Variants in ZFP64 observed in about 807,000 individuals in gnomAD.
ZFP64 encodes ZFP64 zinc finger protein, also known as zinc finger protein 64.
Under a neutral mutation model 51.6 loss-of-function variants are expected in ZFP64, and 14 were observed. That is an observed-to-expected ratio of 0.27 (90% CI 0.18 to 0.42). The LOEUF (loss-of-function observed/expected upper bound fraction) is 0.42. Among genes scored for constraint, ZFP64 ranks in the 10% least tolerant of loss-of-function variants. The pLI, the probability that ZFP64 is intolerant of heterozygous loss-of-function variation, is 1.00. For synonymous variants in ZFP64, 375 were observed against 361.4 expected, an observed-to-expected ratio of 1.04 and a Z score of -0.43; for missense variants, 754 against 906.8, an observed-to-expected ratio of 0.83 and a Z score of 2.16.
intron 7 of ZFP64, among the ~76,000 whole-genome samples, chr20:52,094,738 AAAATAAATAAAT>A (rs138950441): frequency 1.8e-3 from 270 of 151,140 alleles, no homozygotes; most frequent in African/African-American, 6.0e-3. Context: ...ACCCTGTCTC[AAAATAAATAAAT>A]AAATAAATAA....
chr20:52,130,215 T>C (rs1471977406), intron 5 of ZFP64, among the ~76,000 whole-genome samples: 2 of 134,942 alleles, frequency 1.5e-5, no homozygotes, highest in African/African-American at 8.0e-5. Context: ...AATTGTGTTT[T>C]GTTTGTTTGT....
chr20:52,142,839 C>CAAAAA (rs386393987), intron 5 of ZFP64, among the ~76,000 whole-genome samples: 10,936 of 54,558 alleles, frequency 0.2, 1,385 homozygotes, highest in Non-Finnish European at 0.25. Flanking sequence ...GACTCCATCT[C>CAAAAA]AAAAAAAAAA....
At chr20:52,098,441 G>C (rs373377598) in exon 6 of ZFP64, 1 of 1,613,950 alleles carries the variant, frequency 6.2e-7, no homozygotes, top group Non-Finnish European at 8.5e-7. Flanking sequence ...CTCTTACCTG[G>C]GTAGCAACAG....
intron 2 of ZFP64, among the ~76,000 whole-genome samples, chr20:52,182,378 T>C (rs1983672923): frequency 6.6e-6 from 1 of 152,132 alleles, no homozygotes; most frequent in Non-Finnish European, 1.5e-5. Context: ...GATCCAATGG[T>C]CGCAGGGCCG....
chr20:52,109,780 C>CAAAAAAAAAAAAAAAAAAAAAAAAAAAA, intron 5 of ZFP64, among the ~76,000 whole-genome samples: 1 of 46,124 alleles, frequency 2.2e-5, no homozygotes, highest in Non-Finnish European at 4.5e-5. Flanking sequence ...AATTCCACCT[C>CAAAAAAAAAAAAAAAAAAAAAAAAAAAA]AAAAAAAAAA....
At chr20:52,159,273 A>T (rs1260806592) in intron 5 of ZFP64, among the ~76,000 whole-genome samples, 1 of 152,228 alleles carries the variant, frequency 6.6e-6, no homozygotes, top group Non-Finnish European at 1.5e-5. Flanking sequence ...TAATTTATTG[A>T]GTTACCTACT....
chr20:52,088,729 G>A, intron 7 of ZFP64: 1 of 1,559,422 alleles, frequency 6.4e-7, no homozygotes. Flanking sequence ...CTGGGCATAT[G>A]GGTGTGCCGC....
Position 52,165,940 on chromosome 20 carries a change from G to A in ZFP64, c.372C>T (p.Ile124=), listed in dbSNP as rs1188005504. Residue 124 remains isoleucine (I), a synonymous_variant, in exon 3 of 6, where the codon ATC becomes ATT. Coordinates refer to ENST00000216923, the MANE Select transcript of ZFP64 (RefSeq NM_018197.3). The stretch of plus-strand genomic sequence containing the variant: ...TGGTGCGTGACTTGGCAGGGAGAGA[G>A]ATGACAGTGGCTGTCTGGTTTTCAT... ...ESNENQTATV[I]SLPAKSRTKK... 1.2e-6 allele frequency: 2 copies of A among 1,614,200 alleles called. No individual in the cohort carries two copies. Among genetic ancestry groups the A allele is most frequent in the African/African-American group, 1.3e-5 (1 of 75,054 alleles).
Position 52,152,643 on chromosome 20 carries a change from C to A in ZFP64, c.1549G>T (p.Ala517Ser), listed in dbSNP as rs1390810590. The change falls in exon 6 of 6, where the codon GCT becomes TCT. Residue 517 changes from alanine to serine, a missense_variant. Coordinates refer to ENST00000216923, the MANE Select transcript of ZFP64 (RefSeq NM_018197.3). ...GCAGGCGGGACGATGTTCACTGCAG[C>A]GGCGGCAGCCTGGACGATGGTGTTC... ...QANTIVQAAA[A>S]AVNIVPPALV... is the part of the protein sequence containing the mutation. 6.5e-7 allele frequency: 1 copy of A among 1,533,918 alleles called. No individual in the cohort carries two copies. Among genetic ancestry groups the A allele is most frequent in the Admixed American group, 2.0e-5 (1 of 50,414 alleles).
chr20:52,185,957 T>C (rs898173394), intron 2 of ZFP64, among the ~76,000 whole-genome samples: 5 of 152,212 alleles, frequency 3.3e-5, no homozygotes, highest in African/African-American at 4.8e-5. Flanking sequence ...CTTAATCATA[T>C]ATGCCACAAA....
At chr20:52,106,826 G>A (rs1978322317) in intron 5 of ZFP64, among the ~76,000 whole-genome samples, 8 of 152,212 alleles carry the variant, frequency 5.3e-5, no homozygotes, top group Admixed American at 5.2e-4. Context: ...GCCGGGTGCG[G>A]TAGCTCACTC....
intron 2 of ZFP64, among the ~76,000 whole-genome samples, chr20:52,171,176 CCCACACACG>C: frequency 6.6e-6 from 1 of 152,280 alleles, no homozygotes; most frequent in South Asian, 2.1e-4. Context: ...GGTATCCCTT[CCCACACACG>C]TGGCCTTTCT....
chr20:52,102,107 C>CAAAAAAAAAAAAAAAAAAAAAAAAA lies in ZFP64; in HGVS notation c.764-3521_764-3520insTTTTTTTTTTTTTTTTTTTTTTTTT, dbSNP rs34646115. On this transcript the variant is annotated intron_variant, in intron 5 of 8. Coordinates refer to the ZFP64 transcript ENST00000361387. ...AGCCTGGTGAGAGTAACTCCATCTC[C>CAAAAAAAAAAAAAAAAAAAAAAAAA]AAAAAAAAAAAAAAAAAAGGCAGCA... Among the ~76,000 whole-genome samples the CAAAAAAAAAAAAAAAAAAAAAAAAA allele has an allele frequency of 8.8e-4, 56 of 63,398 alleles. 3 individuals carry two copies. The highest frequency in any genetic ancestry group is 1.1e-3 in the Admixed American group (6 of 5,382). 41.6% of individuals were successfully genotyped at this position (63,398 alleles called of 152,430 possible).
At chr20:52,115,007 C>G (rs879592896) in intron 5 of ZFP64, among the ~76,000 whole-genome samples, 2 of 151,966 alleles carry the variant, frequency 1.3e-5, no homozygotes, top group Non-Finnish European at 2.9e-5. Flanking sequence ...ACCATCCTGG[C>G]TAACACTGTG....
At chr20:52,134,914 G>A (rs1979896789) in intron 5 of ZFP64, among the ~76,000 whole-genome samples, 1 of 151,966 alleles carries the variant, frequency 6.6e-6, no homozygotes, top group African/African-American at 2.4e-5. Context: ...CCAGGTTGGA[G>A]GGCAGTGGCA....
intron 4 of ZFP64, among the ~76,000 whole-genome samples, chr20:52,161,759 G>A (rs1215675826): frequency 6.6e-6 from 1 of 152,118 alleles, no homozygotes; most frequent in Non-Finnish European, 1.5e-5. Flanking sequence ...TTAAATGTGT[G>A]TGTTTTTAGA....
Position 52,090,927 on chromosome 20 carries a change from CAAAAAAAAAAAA to C in ZFP64, c.977-2296_977-2285del, listed in dbSNP as rs797006213. Among the ~76,000 whole-genome samples the C allele has an allele frequency of 4.3e-3, 294 of 68,088 alleles. 2 individuals carry two copies. The highest frequency in any genetic ancestry group is 0.014 in the African/African-American group (257 of 18,112). The allele number at this position is 68,088 out of a possible 152,430, so 44.7% of individuals were successfully genotyped here. ...CAACACAGTGAGACCCTGACTCTACCAAAAAAAAAAAAAAAAAAAAAAAAAGGATTTGCTACG... is the reference window on the plus strand; with the variant it reads ...CAACACAGTGAGACCCTGACTCTACCAAAAAAAAAAAAAGGATTTGCTACG... On this transcript the variant is annotated intron_variant, in intron 7 of 8. Coordinates refer to the ZFP64 transcript ENST00000361387.
At chr20:52,178,147 T>TAA (rs1004127077) in intron 2 of ZFP64, among the ~76,000 whole-genome samples, 13 of 152,228 alleles carry the variant, frequency 8.5e-5, no homozygotes, top group East Asian at 5.8e-4. Context: ...TCAGACCCCC[T>TAA]AATATATTAT....
At chr20:52,190,619 G>C (rs1035206163) in intron 1 of ZFP64, among the ~76,000 whole-genome samples, 1 of 152,104 alleles carries the variant, frequency 6.6e-6, no homozygotes, top group African/African-American at 2.4e-5. Flanking sequence ...GGACATATCT[G>C]AGCCCCACCT....
Sources: allele counts gnomAD v4.1 joint callset (sites outside exome capture counted in the v4.1 genomes callset), GRCh38; gene constraint gnomAD v4.1.1; transcripts MANE v1.5; gene names NCBI Gene and HGNC (gene_info 2026-07-23, HGNC 2026-07-21).